The following NINL variants were observed in gnomAD, a reference collection of about 807,000 sequenced individuals.
The protein encoded by NINL is ninein like, also known as ninein-like protein.
A neutral mutation model predicts 160.3 loss-of-function variants in NINL; 153 were observed. That is an observed-to-expected ratio of 0.95 (90% CI 0.84 to 1.09). NINL has a LOEUF of 1.09. Among genes scored for constraint, NINL ranks in the 50% least tolerant of loss-of-function variants. The probability of loss-of-function intolerance (pLI) is 0.00; values close to 1 mark genes in which losing one functional copy is unlikely to be tolerated. For missense variants in NINL, 1,829 were observed against 1,764.0 expected (o/e 1.04, Z -0.66); for synonymous variants, 800 against 734.8 (o/e 1.09, Z -1.43).
chr20:25,476,104 G>C lies in NINL; in HGVS notation c.3187C>G (p.Leu1063Val). 1 of 1,614,244 alleles carries C rather than the reference G, an allele frequency of 6.2e-7. No homozygotes were observed. Among genetic ancestry groups the C allele is most frequent in the South Asian group, 1.1e-5 (1 of 91,082 alleles). Residue 1063 changes from leucine (L) to valine (V), a missense_variant, in exon 17 of 24, where the codon CTA (leucine) becomes GTA (valine). Leu to Val is a conservative substitution (Grantham distance 32, BLOSUM62 1). Coordinates refer to ENST00000278886, the MANE Select transcript of NINL (RefSeq NM_025176.6). ...REKDDMETKLLHLEDVVRALE... is the reference protein window; with the variant it reads ...REKDDMETKLVHLEDVVRALE... ...GCCCGGACGACGTCTTCCAGATGTA[G>C]AAGTTTGGTTTCCATGTCATCCTTC...
At chr20:25,490,632 T>A (rs1304900121) in intron 11 of NINL, among the ~76,000 whole-genome samples, 1 of 150,176 alleles carries the variant, frequency 6.7e-6, no homozygotes, top group African/African-American at 2.4e-5. Context: ...AGAAAAGGCA[T>A]CCTTCCAGAG....
intron 1 of NINL, among the ~76,000 whole-genome samples, chr20:25,529,456 C>T (rs2064415310): frequency 6.6e-6 from 1 of 152,164 alleles, no homozygotes; most frequent in Non-Finnish European, 1.5e-5. Flanking sequence ...ATCTGCTCAG[C>T]ATCTGCAAGG....
In NINL at chr20:25,585,449, G is replaced by C. The variant is rs370580106; in HGVS notation, c.-12+6C>G. 1 of 152,194 alleles carries C rather than the reference G, an allele frequency of 6.6e-6. No homozygotes were observed. The highest frequency in any genetic ancestry group is 2.4e-5 in the African/African-American group (1 of 41,442). 9.4% of individuals were successfully genotyped at this position (152,194 alleles called of 1,614,324 possible). A position where few individuals can be genotyped will look rare whatever the true frequency, so the allele number is the denominator to read the frequency against. ...AATGTCCCGCCGGACGCCCGGGCCG[G>C]CTCACCTGGGAGGCGCCTCCGCCGT... On this transcript the variant is annotated splice_donor_region_variant and intron_variant, in intron 1 of 23. Coordinates refer to ENST00000278886, the MANE Select transcript of NINL (RefSeq NM_025176.6).
At chr20:25,488,924 G>A (rs961668816) in intron 13 of NINL, 8 of 309,596 alleles carry the variant, frequency 2.6e-5, no homozygotes, top group East Asian at 5.3e-5. Context: ...CATTCACTGC[G>A]TCCACTGCGC....
chr20:25,480,146 C>G lies in NINL; in HGVS notation c.1917+15G>C. On this transcript the variant is annotated intron_variant, in intron 15 of 23. Coordinates refer to ENST00000278886, the MANE Select transcript of NINL (RefSeq NM_025176.6). ...GCTACTCCCCCAGGGCCCCACAGCCCCATAATCCCCTCACCTTGGTCTCCA... is the reference window on the plus strand; with the variant it reads ...GCTACTCCCCCAGGGCCCCACAGCCGCATAATCCCCTCACCTTGGTCTCCA... 6.2e-7 allele frequency: 1 copy of G among 1,600,698 alleles called. No homozygotes were observed. The highest frequency in any genetic ancestry group is 8.6e-7 in the Non-Finnish European group (1 of 1,167,982).
At chr20:25,523,170 A>T (rs2064294054) in intron 2 of NINL, among the ~76,000 whole-genome samples, 1 of 152,162 alleles carries the variant, frequency 6.6e-6, no homozygotes, top group Non-Finnish European at 1.5e-5. Context: ...GAGAAGAAAA[A>T]GGTCCATACC....
At chr20:25,488,276 A>G (rs1434563355) in intron 13 of NINL, among the ~76,000 whole-genome samples, 1 of 152,076 alleles carries the variant, frequency 6.6e-6, no homozygotes, top group Non-Finnish European at 1.5e-5. Context: ...CCCAGGCTGG[A>G]GTACAGTGGT....
chr20:25,513,671 A>G (rs2064115156), intron 3 of NINL, among the ~76,000 whole-genome samples: 1 of 152,232 alleles, frequency 6.6e-6, no homozygotes, highest in Non-Finnish European at 1.5e-5. Context: ...AGGTGATTGG[A>G]TCATGCAGGT....
At chr20:25,528,074 G>C (rs2064389431) in intron 1 of NINL, among the ~76,000 whole-genome samples, 1 of 152,186 alleles carries the variant, frequency 6.6e-6, no homozygotes, top group Admixed American at 6.5e-5. Flanking sequence ...CTGTCACCCA[G>C]ACTGGAGTGC....
intron 2 of NINL, among the ~76,000 whole-genome samples, chr20:25,519,186 C>T (rs1016514260): frequency 1.3e-5 from 2 of 151,604 alleles, no homozygotes; most frequent in Admixed American, 6.6e-5. Context: ...CTTAGCTTAC[C>T]AAAGTTGAGT....
intron 8 of NINL, chr20:25,499,255 G>A (rs1465093177): frequency 1.2e-5 from 12 of 984,480 alleles, no homozygotes; most frequent in Admixed American, 1.2e-4. Flanking sequence ...TCCCCACCAC[G>A]TCACTGGATG....
chr20:25,574,423 C>T (rs998161098), intron 1 of NINL, among the ~76,000 whole-genome samples: 4 of 151,570 alleles, frequency 2.6e-5, no homozygotes, highest in African/African-American at 9.7e-5. Flanking sequence ...TAAAATGCAA[C>T]AGGAGGAGAT....
chr20:25,506,906 A>C (rs1283964043), intron 5 of NINL, among the ~76,000 whole-genome samples: 1 of 152,196 alleles, frequency 6.6e-6, no homozygotes, highest in Non-Finnish European at 1.5e-5. Context: ...AAATATATAT[A>C]TTCTTACATC....
chr20:25,562,208 C>A (rs376719377), intron 1 of NINL, among the ~76,000 whole-genome samples: 2 of 135,394 alleles, frequency 1.5e-5, no homozygotes, highest in Admixed American at 7.4e-5. Context: ...CCGCCCCGTC[C>A]GGGAGGTGAG....
chr20:25,528,570 AC>A (rs1270371930), intron 1 of NINL, among the ~76,000 whole-genome samples: 5 of 152,194 alleles, frequency 3.3e-5, no homozygotes, highest in Non-Finnish European at 5.9e-5. Context: ...ATGGTATTAC[AC>A]ATTTATATTT....
At position 25,526,584 on chromosome 20, in the gene NINL, C is replaced by T; in HGVS notation, c.4G>A (p.Asp2Asn). The change falls in exon 2 of 24, where the codon GAT becomes AAT. Residue 2 changes from aspartate (D) to asparagine (N), a missense_variant. Asp to Asn is a conservative substitution (Grantham distance 23). Transcript: ENST00000278886. Reference sequence around the variant, plus strand: ...GAGACATAGTGGTTCTCTTCTTCATCCATCCCATAGCAGGCTGGCAGTGTG... The same window carrying T: ...GAGACATAGTGGTTCTCTTCTTCATTCATCCCATAGCAGGCTGGCAGTGTG... M[D>N]EEENHYVSQL... 1 of 1,613,606 alleles carries T rather than the reference C, an allele frequency of 6.2e-7. No homozygotes were observed. The highest frequency in any genetic ancestry group is 1.1e-5 in the South Asian group (1 of 91,044).
chr20:25,476,068 G>A lies in NINL; in HGVS notation c.3223C>T (p.His1075Tyr). The change falls in exon 17 of 24, where the codon CAT becomes TAT. Residue 1075 changes from histidine (H) to tyrosine (Y), a missense_variant. His to Tyr is a moderately conservative substitution (Grantham distance 83). Transcript: ENST00000278886. ...CTGTCGTTCTCTCTCAAATCTACAT[G>A]TTTCTCCAGAGCCCGGACGACGTCT... ...LEDVVRALEK[H>Y]VDLRENDRLE... 1 of 1,613,556 alleles carries A rather than the reference G, an allele frequency of 6.2e-7. No individual in the cohort carries two copies. The highest frequency in any genetic ancestry group is 1.7e-5 in the Admixed American group (1 of 59,994).
intron 1 of NINL, among the ~76,000 whole-genome samples, chr20:25,559,146 G>A (rs2064903536): frequency 6.6e-6 from 1 of 152,226 alleles, no homozygotes; most frequent in Non-Finnish European, 1.5e-5. Context: ...CGTAAGGCAA[G>A]GTATCTGCTC....
At chr20:25,471,439 T>C (rs2063091852) in intron 17 of NINL, among the ~76,000 whole-genome samples, 1 of 152,250 alleles carries the variant, frequency 6.6e-6, no homozygotes, top group South Asian at 2.1e-4. Context: ...TTTTAAACTA[T>C]CACTCTGGCT....
Sources: gnomAD v4.1 joint callset for allele counts (sites outside exome capture counted in the v4.1 genomes callset) on GRCh38, gnomAD v4.1.1 for gene constraint, MANE v1.5 for transcripts, NCBI Gene and HGNC (gene_info 2026-07-23, HGNC 2026-07-21) for gene names.